Variants in LYPD6B observed in about 807,000 individuals in gnomAD.
The protein encoded by LYPD6B is ly6/PLAUR domain-containing protein 6B.
In LYPD6B, 17 loss-of-function variants were observed where a neutral mutation model predicts 22.8. The observed-to-expected ratio is 0.75, with a 90% confidence interval of 0.51 to 1.12. The LOEUF is 1.12. Among genes scored for constraint, LYPD6B ranks in the 50% most tolerant of loss-of-function variants. The pLI, the probability that LYPD6B is intolerant of heterozygous loss-of-function variation, is 0.00. For synonymous variants in LYPD6B, 106 were observed against 91.6 expected, an observed-to-expected ratio of 1.16 and a Z score of -0.90; for missense variants, 221 against 258.3, an observed-to-expected ratio of 0.86 and a Z score of 0.99.
chr2:149,039,436 G>C (rs73962851), intron 1 of LYPD6B, among the ~76,000 whole-genome samples: 2 of 152,284 alleles, frequency 1.3e-5, no homozygotes, highest in Non-Finnish European at 2.9e-5. Context: ...TGTGGCGTTT[G>C]GGGGGAGCTG....
At chr2:149,202,802 G>T (rs1050395905) in intron 3 of LYPD6B, among the ~76,000 whole-genome samples, 1 of 152,046 alleles carries the variant, frequency 6.6e-6, no homozygotes, top group African/African-American at 2.4e-5. Flanking sequence ...ACCAAACTGG[G>T]GATTTGTTCA....
intron 2 of LYPD6B, among the ~76,000 whole-genome samples, chr2:149,159,956 G>A (rs184874617): frequency 6.6e-6 from 1 of 152,160 alleles, no homozygotes; most frequent in East Asian, 1.9e-4. Context: ...TGACCAAACA[G>A]CGGGCCACCA....
rs145141269 is a variant in LYPD6B at position 149,187,941 on chromosome 2, A to G, written c.78-17312A>G. Among the ~76,000 whole-genome samples, 514 of 152,354 alleles carry G rather than the reference A, an allele frequency of 3.4e-3. 5 individuals are homozygous for G. The highest frequency in any genetic ancestry group is 0.012 in the African/African-American group (487 of 41,584). ...AGGTAAGGAAAATGTAAGGAAAGAA[A>G]TGAATGGGTGAAGATTTTGAATGTG... On this transcript the variant is annotated intron_variant, in intron 3 of 6. Coordinates refer to ENST00000409642, the MANE Select transcript of LYPD6B (RefSeq NM_177964.5).
At chr2:149,162,620 T>C (rs1690151639) in intron 3 of LYPD6B, among the ~76,000 whole-genome samples, 1 of 152,182 alleles carries the variant, frequency 6.6e-6, no homozygotes, top group African/African-American at 2.4e-5. Flanking sequence ...TCAAGATCGT[T>C]AAAGCATATT....
chr2:149,142,734 T>C (rs1254277524), intron 2 of LYPD6B, among the ~76,000 whole-genome samples: 1 of 152,062 alleles, frequency 6.6e-6, no homozygotes, highest in African/African-American at 2.4e-5. Flanking sequence ...GAACTCCTGG[T>C]CTCAAGTGAT....
intron 1 of LYPD6B, among the ~76,000 whole-genome samples, chr2:149,071,484 C>T (rs1383605027): frequency 6.6e-6 from 1 of 152,142 alleles, no homozygotes; most frequent in Non-Finnish European, 1.5e-5. Flanking sequence ...GGATTAAGTA[C>T]TCTGGGAAAT....
At chr2:149,130,669 A>G (rs1015732527) in intron 1 of LYPD6B, among the ~76,000 whole-genome samples, 11 of 152,236 alleles carry the variant, frequency 7.2e-5, no homozygotes, top group African/African-American at 2.4e-4. Context: ...CATTCCATCT[A>G]TGTCCTGCCA....
intron 1 of LYPD6B, among the ~76,000 whole-genome samples, chr2:149,062,520 A>G (rs1286390159): frequency 1.3e-5 from 2 of 152,162 alleles, no homozygotes; most frequent in Non-Finnish European, 2.9e-5. Flanking sequence ...CCTTCCCTAC[A>G]TGGAAAAGCA....
Position 149,051,461 on chromosome 2 carries a change from G to A in LYPD6B, c.-67+12660G>A, listed in dbSNP as rs184133673. ...ATTACAGGCGTGAGCCACCGCGCCC[G>A]GCCAACAACATTATTTTTAATGTAT... On this transcript the variant is annotated intron_variant, in intron 1 of 6. Coordinates refer to ENST00000409642, the MANE Select transcript of LYPD6B (RefSeq NM_177964.5). Among the ~76,000 whole-genome samples, 1,220 of 152,052 alleles carry A rather than the reference G, an allele frequency of 8.0e-3. 18 individuals carry two copies. Among genetic ancestry groups the A allele is most frequent in the African/African-American group, 0.026 (1,062 of 41,488 alleles).
chr2:149,090,335 T>C (rs910522232), intron 1 of LYPD6B, among the ~76,000 whole-genome samples: 1 of 152,206 alleles, frequency 6.6e-6, no homozygotes, highest in African/African-American at 2.4e-5. Flanking sequence ...GGTTCCGATA[T>C]AATTTTCAAC....
rs949593456 is a variant in LYPD6B, at chr2:149,213,132, G to A, written c.459+10G>A. On this transcript the variant is annotated intron_variant, in intron 6 of 6. Transcript: ENST00000409642. Reference sequence around the variant, plus strand: ...AGATTCTGAACATACGGTAAGGATCGTGTGTGTGTGTTATTGTCTAAACTT... The same window carrying A: ...AGATTCTGAACATACGGTAAGGATCATGTGTGTGTGTTATTGTCTAAACTT... 25 of 1,526,634 alleles carry A rather than the reference G, an allele frequency of 1.6e-5. No homozygotes were observed. In the Admixed American group the frequency reaches 3.1e-4, roughly 19 times the overall value. The allele number at this position is 1,526,634 out of a possible 1,614,324, so 94.6% of individuals were successfully genotyped here.
At chr2:149,100,459 A>G (rs1490371747) in intron 1 of LYPD6B, among the ~76,000 whole-genome samples, 1 of 146,938 alleles carries the variant, frequency 6.8e-6, no homozygotes, top group Non-Finnish European at 1.5e-5. Context: ...CTGGAGTCAG[A>G]AGGGTCCATT....
chr2:149,114,079 A>G (rs114478180), intron 1 of LYPD6B, among the ~76,000 whole-genome samples: 275 of 152,286 alleles, frequency 1.8e-3, no homozygotes, highest in African/African-American at 6.5e-3. Context: ...TGTGGACAGA[A>G]CTTCAAGGAC....
intron 3 of LYPD6B, chr2:149,187,640 G>C (rs73963740): frequency 1.4e-5 from 13 of 949,032 alleles, no homozygotes; most frequent in Non-Finnish European, 1.9e-5. Flanking sequence ...ACTTAAGCAG[G>C]CTTGTCCAAT....
rs1365950665 is a variant in LYPD6B at position 149,208,338 on chromosome 2, A to G, written c.254A>G (p.Lys85Arg). ...GCTACACCATTTCCAAATAGCTTCA[A>G]GTGCTTTACTTGTGAAAACGCAGGG... ...LDPTPFPNSF[K>R]CFTCENAGDN... Residue 85 changes from lysine (K) to arginine (R), a missense_variant, in exon 5 of 7, where the codon AAG becomes AGG. Coordinates refer to ENST00000409642, the MANE Select transcript of LYPD6B (RefSeq NM_177964.5). The G allele has an allele frequency of 6.2e-7, 1 of 1,613,668 alleles. No individual in the cohort carries two copies. The highest frequency in any genetic ancestry group is 2.2e-5 in the East Asian group (1 of 44,864).
intron 3 of LYPD6B, among the ~76,000 whole-genome samples, chr2:149,175,063 G>C (rs10167817): frequency 1.4e-3 from 139 of 100,706 alleles, no homozygotes; most frequent in East Asian, 8.8e-3. Flanking sequence ...CTCTCTCTCT[G>C]TGTGTGTGTG....
chr2:149,051,329 T>C (rs1326791655), intron 1 of LYPD6B, among the ~76,000 whole-genome samples: 4 of 151,498 alleles, frequency 2.6e-5, no homozygotes, highest in Non-Finnish European at 4.4e-5. Context: ...CACGCCCGGC[T>C]AATTTTTTCT....
chr2:149,155,147 C>T (rs1689617486), intron 2 of LYPD6B, among the ~76,000 whole-genome samples: 1 of 152,130 alleles, frequency 6.6e-6, no homozygotes, highest in East Asian at 1.9e-4. Context: ...GCTGAATTAC[C>T]ACAAGAGCCC....
Position 149,160,835 on chromosome 2 carries a change from G to A in LYPD6B, c.77G>A (p.Arg26Lys), listed in dbSNP as rs1277124973. 21 of 1,550,148 alleles carry A rather than the reference G, an allele frequency of 1.4e-5. No homozygotes were observed. Among genetic ancestry groups the A allele is most frequent in the Non-Finnish European group, 1.8e-5 (21 of 1,145,534 alleles). Residue 26 changes from arginine to lysine, a missense_variant and splice_region_variant, in exon 3 of 7, where the codon AGA becomes AAA. Physicochemically the swap from Arg to Lys is conservative, Grantham distance 26. Coordinates refer to ENST00000409642, the MANE Select transcript of LYPD6B (RefSeq NM_177964.5). ...CTGACAACCACATTCTCCTTCTCAA[G>A]GTAAGAATGGCAGCTGTTACAACAG... ...RSLTTTFSFS[R>K]YKSSDRPAHK...
Sources: allele counts gnomAD v4.1 joint callset (sites outside exome capture counted in the v4.1 genomes callset), GRCh38; gene constraint gnomAD v4.1.1; transcripts MANE v1.5; gene names NCBI Gene and HGNC (gene_info 2026-07-23, HGNC 2026-07-21).